The following NTNG2 variants were observed in gnomAD, a reference collection of about 807,000 sequenced individuals.
NTNG2 encodes netrin-G2.
A neutral mutation model predicts 47.6 loss-of-function variants in NTNG2; 15 were observed. The ratio of observed to expected loss-of-function variants is 0.32; its 90% CI spans 0.21 to 0.49. The LOEUF is 0.49. NTNG2 is among the 20% of genes least tolerant of loss of function. The probability of loss-of-function intolerance (pLI) is 0.99; values close to 1 mark genes in which losing one functional copy is unlikely to be tolerated. For synonymous variants in NTNG2, 307 were observed against 324.6 expected (o/e 0.95, Z 0.58); for missense variants, 578 against 764.6 (o/e 0.76, Z 2.88).
intron 2 of NTNG2, among the ~76,000 whole-genome samples, chr9:132,194,894 G>A (rs1838167443): frequency 6.6e-6 from 1 of 152,228 alleles, no homozygotes; most frequent in Non-Finnish European, 1.5e-5. Flanking sequence ...GGGGGCCGCG[G>A]GGCTGTGGCT....
At position 132,198,435 on chromosome 9, in the gene NTNG2, G is replaced by A. The variant is rs984477479; in HGVS notation, c.683G>A (p.Arg228His). ...RFAIFAGPDL[R>H]NMDNLYTRLE... The stretch of plus-strand genomic sequence containing the variant: ...GCCATCTTTGCCGGCCCCGACCTGC[G>A]CAACATGGACAACCTCTACACGCGG... Residue 228 changes from arginine to histidine, a missense_variant, in exon 3 of 8, where the codon CGC becomes CAC. Transcript: ENST00000393229. 1.9e-5 allele frequency: 31 copies of A among 1,612,992 alleles called. No homozygotes were observed. Among genetic ancestry groups the A allele is most frequent in the Middle Eastern group, 1.6e-4 (1 of 6,084 alleles).
intron 2 of NTNG2, among the ~76,000 whole-genome samples, chr9:132,175,098 T>A (rs1353499594): frequency 6.6e-6 from 1 of 151,816 alleles, no homozygotes; most frequent in Admixed American, 6.6e-5. Flanking sequence ...AAGGAATGGT[T>A]CGTGCAGAGA....
At position 132,235,324 on chromosome 9, in the gene NTNG2, CTCTGTCCT is replaced by C. The variant is rs559115179; in HGVS notation, c.1055-3777_1055-3770del. Among the ~76,000 whole-genome samples, 10 of 152,352 alleles carry C rather than the reference CTCTGTCCT, an allele frequency of 6.6e-5. No homozygotes were observed. The East Asian group carries it at 1.9e-3, about 29-fold the overall frequency. ...GGCCCAGAGGCGGGACCTGGTCTAG[CTCTGTCCT>C]TCAGTCAGAACGGGGACGGCACAGG... On this transcript the variant is annotated intron_variant, in intron 5 of 7. Transcript: ENST00000393229.
intron 2 of NTNG2, among the ~76,000 whole-genome samples, chr9:132,172,664 G>A (rs1489488818): frequency 6.6e-6 from 1 of 151,718 alleles, no homozygotes; most frequent in Non-Finnish European, 1.5e-5. Flanking sequence ...ATGGATGCAT[G>A]GGAGGAAGCA....
chr9:132,223,287 C>T (rs1840483801), intron 3 of NTNG2, among the ~76,000 whole-genome samples: 1 of 152,190 alleles, frequency 6.6e-6, no homozygotes, highest in South Asian at 2.1e-4. Flanking sequence ...GCCGCTGTTT[C>T]CCCACCCAGA....
At chr9:132,183,288 G>A (rs1021096966) in intron 2 of NTNG2, among the ~76,000 whole-genome samples, 2 of 152,106 alleles carry the variant, frequency 1.3e-5, no homozygotes, top group Non-Finnish European at 2.9e-5. Flanking sequence ...GGGCTGTCAC[G>A]GGCGCTGCTT....
chr9:132,184,383 T>C (rs1045697987), intron 2 of NTNG2, among the ~76,000 whole-genome samples: 25 of 152,244 alleles, frequency 1.6e-4, no homozygotes, highest in Admixed American at 5.9e-4. Context: ...GCCCCTGCCT[T>C]CCTGAAGCAC....
chr9:132,172,787 C>T (rs562946384), intron 2 of NTNG2, among the ~76,000 whole-genome samples: 4 of 138,652 alleles, frequency 2.9e-5, no homozygotes, highest in Admixed American at 8.2e-5. Flanking sequence ...TGGAGTGCAG[C>T]GGCGCAATCT....
At position 132,162,991 on chromosome 9, in the gene NTNG2, G is replaced by T. The variant is rs1835196512; in HGVS notation, c.-484+752G>T. ...CGCTCCGGAGTAAGTTGGCCGTCTG[G>T]GCTGGGGGCGGCGGCGGCCGGGTCG... On this transcript the variant is annotated intron_variant, in intron 1 of 7. Coordinates refer to ENST00000393229, the MANE Select transcript of NTNG2 (RefSeq NM_032536.4). This position sits in a 1 kb window ranked among gnomAD's most constrained non-coding sequence, Gnocchi z 4.6. Among the ~76,000 whole-genome samples, 1 of 152,158 alleles carries T rather than the reference G, an allele frequency of 6.6e-6. No individual in the cohort carries two copies. The highest frequency in any genetic ancestry group is 1.5e-5 in the Non-Finnish European group (1 of 68,020).
chr9:132,169,412 T>C (rs1458908488), intron 2 of NTNG2, among the ~76,000 whole-genome samples: 1 of 152,234 alleles, frequency 6.6e-6, no homozygotes, highest in Admixed American at 6.5e-5. Flanking sequence ...TGGTTACTTC[T>C]AGATAGATCT....
At chr9:132,216,985 T>C (rs1204605478) in intron 3 of NTNG2, among the ~76,000 whole-genome samples, 1 of 152,196 alleles carries the variant, frequency 6.6e-6, no homozygotes, top group Non-Finnish European at 1.5e-5. Flanking sequence ...TGGCCTTCTT[T>C]GTCCCCATGG....
In NTNG2 at chr9:132,241,975, G is replaced by A; in HGVS notation, c.1457G>A (p.Cys486Tyr). The change falls in exon 8 of 8, where the codon TGC becomes TAC. Residue 486 changes from cysteine (C) to tyrosine (Y), a missense_variant. Cys to Tyr is a radical substitution (Grantham distance 194). Transcript: ENST00000393229. Reference sequence around the variant, plus strand: ...CCGCGCGGCTACACCGGCGTGCGCTGCGAGCAGCCCCGCTGCGACCCCGCC... The same window carrying A: ...CCGCGCGGCTACACCGGCGTGCGCTACGAGCAGCCCCGCTGCGACCCCGCC... ...ACPRGYTGVR[C>Y]EQPRCDPADD... is the part of the protein sequence containing the mutation. The A allele has an allele frequency of 6.5e-7, 1 of 1,529,324 alleles. No individual in the cohort carries two copies. The highest frequency in any genetic ancestry group is 8.7e-7 in the Non-Finnish European group (1 of 1,147,270). The allele number at this position is 1,529,324 out of a possible 1,614,324, so 94.7% of individuals were successfully genotyped here.
At chr9:132,237,518 C>T (rs749907230) in intron 5 of NTNG2, among the ~76,000 whole-genome samples, 11 of 152,214 alleles carry the variant, frequency 7.2e-5, no homozygotes, top group Non-Finnish European at 1.6e-4. Flanking sequence ...TTGAAGAATT[C>T]CAAGGTAAGA....
At chr9:132,187,479 G>A (rs2131396365) in intron 2 of NTNG2, among the ~76,000 whole-genome samples, 1 of 152,100 alleles carries the variant, frequency 6.6e-6, no homozygotes, top group African/African-American at 2.4e-5. Flanking sequence ...GCTGGGGAAG[G>A]AATTAGCAGC....
At chr9:132,238,818 A>T (rs1436861509) in intron 5 of NTNG2, 1 of 484,480 alleles carries the variant, frequency 2.1e-6, no homozygotes, top group Non-Finnish European at 3.7e-6. Flanking sequence ...CCAGCCAGGC[A>T]TTAGCAGGAG....
chr9:132,215,077 TGGG>T lies in NTNG2; in HGVS notation c.858-11763_858-11761del, dbSNP rs34275041. Among the ~76,000 whole-genome samples, 39 of 139,692 alleles carry T rather than the reference TGGG, an allele frequency of 2.8e-4. No individual in the cohort carries two copies. The highest frequency in any genetic ancestry group is 4.6e-4 in the East Asian group (2 of 4,310). 91.6% of individuals were successfully genotyped at this position (139,692 alleles called of 152,430 possible). ...TTTTTTTTAATTTTTTTGTAGAGAT[TGGG>T]GGGGGGGGTCTCACTTTCTTGCCCA... On this transcript the variant is annotated intron_variant, in intron 3 of 7. Transcript: ENST00000393229. The surrounding 1 kb of genome is among the most constrained non-coding windows in gnomAD (Gnocchi z 4.2).
rs1835514848 is a variant in NTNG2, at chr9:132,166,610, C to T, written c.-222C>T. ...ATGGGCAACTTTCTGATCTGTCCAT[C>T]AGCAGTCTGAGAAACGCTGGCTCTG... On this transcript the variant is annotated 5_prime_UTR_variant, in exon 2 of 8. Transcript: ENST00000393229. 3 of 581,804 alleles carry T rather than the reference C, an allele frequency of 5.2e-6. No homozygotes were observed. Among genetic ancestry groups the T allele is most frequent in the East Asian group, 5.8e-5 (2 of 34,722 alleles). The allele number at this position is 581,804 out of a possible 1,614,324, so 36.0% of individuals were successfully genotyped here.
intron 3 of NTNG2, among the ~76,000 whole-genome samples, chr9:132,209,528 C>T (rs1326553736): frequency 1.3e-5 from 2 of 152,160 alleles, no homozygotes; most frequent in Non-Finnish European, 2.9e-5. Flanking sequence ...CCCAAAGCCA[C>T]GCGGGAGCGG....
rs34275041 is a variant in NTNG2, at chr9:132,215,077, T to TGG, written c.858-11762_858-11761dup. On this transcript the variant is annotated intron_variant, in intron 3 of 7. Transcript: ENST00000393229. This position sits in a 1 kb window ranked among gnomAD's most constrained non-coding sequence, Gnocchi z 4.2. Reference sequence around the variant, plus strand: ...TTTTTTTTAATTTTTTTGTAGAGATTGGGGGGGGGGGTCTCACTTTCTTGC... The same window carrying TGG: ...TTTTTTTTAATTTTTTTGTAGAGATTGGGGGGGGGGGGGTCTCACTTTCTTGC... 1.8e-4 allele frequency among the ~76,000 whole-genome samples: 25 copies of TGG among 139,702 alleles called. No homozygotes were observed. Among genetic ancestry groups the TGG allele is most frequent in the Non-Finnish European group, 3.0e-4 (19 of 63,700 alleles). 91.6% of individuals were successfully genotyped at this position (139,702 alleles called of 152,430 possible).
Sources: gnomAD v4.1 joint callset for allele counts (sites outside exome capture counted in the v4.1 genomes callset) on GRCh38, gnomAD v4.1.1 for gene constraint, Gnocchi (gnomAD v3.1) non-coding constraint, MANE v1.5 for transcripts, NCBI Gene and HGNC (gene_info 2026-07-23, HGNC 2026-07-21) for gene names.